Variants in TULP4 observed in about 807,000 individuals in gnomAD.
TULP4 encodes the protein TUB like protein 4, also known as tubby-related protein 4.
TULP4 carries 16 observed loss-of-function variants against 129.0 expected under a neutral mutation model. That is an observed-to-expected ratio of 0.12 (90% CI 0.08 to 0.19). TULP4 has a LOEUF of 0.19. Ranked by LOEUF, TULP4 falls within the 10% of genes least tolerant of loss-of-function variation. The probability of loss-of-function intolerance (pLI) is 1.00; values close to 1 mark genes in which losing one functional copy is unlikely to be tolerated. For missense variants in TULP4, 1,842 were observed against 2,059.1 expected, an observed-to-expected ratio of 0.89 and a Z score of 2.04; for synonymous variants, 998 against 854.0, an observed-to-expected ratio of 1.17 and a Z score of -2.94.
At chr6:158,436,132 G>A (rs925406458) in intron 3 of TULP4, among the ~76,000 whole-genome samples, 5 of 152,018 alleles carry the variant, frequency 3.3e-5, no homozygotes, top group East Asian at 1.9e-4. Flanking sequence ...GTCTTGAACC[G>A]CTAACCTCAA....
chr6:158,273,972 C>T (rs1778594762), intron 1 of TULP4, among the ~76,000 whole-genome samples: 1 of 152,162 alleles, frequency 6.6e-6, no homozygotes, highest in Non-Finnish European at 1.5e-5. Flanking sequence ...TAAAACCTGC[C>T]TCCCGGGCTG....
intron 1 of TULP4, among the ~76,000 whole-genome samples, chr6:158,255,692 G>T (rs1778229649): frequency 1.3e-5 from 2 of 152,222 alleles, no homozygotes; most frequent in Non-Finnish European, 2.9e-5. Context: ...AGAGAACTCT[G>T]CAGAGCCCCA....
intron 1 of TULP4, among the ~76,000 whole-genome samples, chr6:158,388,322 CTTTTTTTTTTTTTTTT>C (rs10650311): frequency 4.6e-5 from 4 of 86,264 alleles, no homozygotes; most frequent in East Asian, 4.2e-4. Flanking sequence ...GCTCGTTTTT[CTTTTTTTTTTTTTTTT>C]TTTTTTTTTG....
At chr6:158,352,453 G>T (rs1047529912) in intron 1 of TULP4, among the ~76,000 whole-genome samples, 2 of 152,320 alleles carry the variant, frequency 1.3e-5, no homozygotes, top group South Asian at 2.1e-4. Context: ...CTGGAGTGCA[G>T]TGGCACGATC....
At chr6:158,424,750 A>G (rs949986743) in intron 2 of TULP4, among the ~76,000 whole-genome samples, 1 of 152,210 alleles carries the variant, frequency 6.6e-6, no homozygotes, top group Admixed American at 6.5e-5. Context: ...GATACAGATG[A>G]CAAACTGTAT....
intron 1 of TULP4, among the ~76,000 whole-genome samples, chr6:158,341,450 C>T (rs116239247): frequency 2.7e-3 from 410 of 152,252 alleles, no homozygotes; most frequent in African/African-American, 9.5e-3. Context: ...GGATATTTAC[C>T]TAGCAATAGG....
intron 5 of TULP4, among the ~76,000 whole-genome samples, chr6:158,454,303 AAC>A (rs1191866392): frequency 6.6e-6 from 1 of 152,184 alleles, no homozygotes; most frequent in African/African-American, 2.4e-5. Context: ...ATGGAGCTAA[AAC>A]ACAGGATGAT....
chr6:158,332,189 AAAAAAAAAAAAATATATATATATAT>A (rs1779918578), intron 1 of TULP4, among the ~76,000 whole-genome samples: 1 of 4,868 alleles, frequency 2.1e-4, no homozygotes, highest in Admixed American at 2.9e-3. Flanking sequence ...AAAAAAAAAA[AAAAAAAAAAAAATATATATATATAT>A]ATATATATAT....
chr6:158,341,011 T>C (rs1455764522), intron 1 of TULP4, among the ~76,000 whole-genome samples: 1 of 152,184 alleles, frequency 6.6e-6, no homozygotes, highest in African/African-American at 2.4e-5. Context: ...AGTATGCTAC[T>C]GAACACTAGA....
intron 2 of TULP4, among the ~76,000 whole-genome samples, chr6:158,418,122 C>CGG (rs140421370): frequency 0.24 from 32,616 of 138,570 alleles, 5,012 homozygotes; most frequent in Middle Eastern, 0.35. Flanking sequence ...TTTTTGGGAG[C>CGG]GGGGGAGACA....
intron 1 of TULP4, among the ~76,000 whole-genome samples, chr6:158,321,623 C>T (rs1779635529): frequency 6.6e-6 from 1 of 152,160 alleles, no homozygotes; most frequent in African/African-American, 2.4e-5. Flanking sequence ...CAGCTCTCAA[C>T]TCAGGAATCT....
chr6:158,331,688 GACAC>G lies in TULP4; in HGVS notation c.252+17458_252+17461del, dbSNP rs146753041. On this transcript the variant is annotated intron_variant, in intron 1 of 13. Coordinates refer to ENST00000367097, the MANE Select transcript of TULP4 (RefSeq NM_020245.5). ...TCTTTGCTGCTGGACTCGTTCAACAGACACACACACACACACACACACACACACA... is the reference window on the plus strand; with the variant it reads ...TCTTTGCTGCTGGACTCGTTCAACAGACACACACACACACACACACACACA... Among the ~76,000 whole-genome samples the G allele has an allele frequency of 3.7e-3, 160 of 43,296 alleles. 37 individuals are homozygous for G. The highest frequency in any genetic ancestry group is 0.03 in the South Asian group (23 of 768). The allele number at this position is 43,296 out of a possible 152,430, so 28.4% of individuals were successfully genotyped here. A position where few individuals can be genotyped will look rare whatever the true frequency, so the allele number is the denominator to read the frequency against.
chr6:158,371,464 A>G (rs1777066676), intron 1 of TULP4, among the ~76,000 whole-genome samples: 1 of 152,202 alleles, frequency 6.6e-6, no homozygotes, highest in South Asian at 2.1e-4. Flanking sequence ...GGGTGATATC[A>G]GTTAAATATT....
chr6:158,320,500 T>G (rs972078438), intron 1 of TULP4, among the ~76,000 whole-genome samples: 1 of 151,810 alleles, frequency 6.6e-6, no homozygotes, highest in Non-Finnish European at 1.5e-5. Context: ...GGCGTAATCT[T>G]GGCTCACTGC....
chr6:158,236,425 G>A (rs1028377446), intron 1 of TULP4, among the ~76,000 whole-genome samples: 1 of 152,176 alleles, frequency 6.6e-6, no homozygotes, highest in African/African-American at 2.4e-5. Context: ...CTAAGGACAT[G>A]AGCAGATCTT....
At chr6:158,441,954 C>T (rs972209291) in intron 3 of TULP4, among the ~76,000 whole-genome samples, 5 of 152,192 alleles carry the variant, frequency 3.3e-5, no homozygotes, top group African/African-American at 1.2e-4. Context: ...TGTTAAGCTC[C>T]AGTTAGTAAA....
chr6:158,373,663 A>C (rs1777119564), intron 1 of TULP4, among the ~76,000 whole-genome samples: 1 of 152,096 alleles, frequency 6.6e-6, no homozygotes, highest in Non-Finnish European at 1.5e-5. Context: ...TGAAAGGCTA[A>C]CTCCTCCAAG....
At chr6:158,365,728 C>A (rs909746339) in intron 1 of TULP4, among the ~76,000 whole-genome samples, 1 of 151,702 alleles carries the variant, frequency 6.6e-6, no homozygotes, top group Non-Finnish European at 1.5e-5. Context: ...GCCTTGGCCT[C>A]CCAAAATGCT....
At chr6:158,449,626 A>G (rs922025264) in intron 4 of TULP4, among the ~76,000 whole-genome samples, 1 of 152,222 alleles carries the variant, frequency 6.6e-6, no homozygotes, top group African/African-American at 2.4e-5. Context: ...TTTTGCCATA[A>G]TGAAGGCCAG....
Sources: gnomAD v4.1 joint callset for allele counts (sites outside exome capture counted in the v4.1 genomes callset) on GRCh38, gnomAD v4.1.1 for gene constraint, MANE v1.5 for transcripts, NCBI Gene and HGNC (gene_info 2026-07-23, HGNC 2026-07-21) for gene names.